CNTNAP2: variants seen among roughly 807,000 people sequenced by gnomAD.
CNTNAP2 encodes contactin-associated protein-like 2.
Under a neutral mutation model 155.2 loss-of-function variants are expected in CNTNAP2, and 98 were observed. That is an observed-to-expected ratio of 0.63 (90% confidence interval 0.54 to 0.75). The LOEUF (loss-of-function observed/expected upper bound fraction) is 0.75, where lower values mean the gene tolerates loss of function less well. Ranked by LOEUF, CNTNAP2 falls within the 30% of genes least tolerant of loss-of-function variation. The probability of loss-of-function intolerance (pLI) is 0.00; values close to 1 mark genes in which losing one functional copy is unlikely to be tolerated. For missense variants in CNTNAP2, 1,727 were observed against 1,688.1 expected (o/e 1.02, Z -0.40); for synonymous variants, 651 against 631.2 (o/e 1.03, Z -0.47).
intron 13 of CNTNAP2, among the ~76,000 whole-genome samples, chr7:147,867,585 C>T (rs1799255940): frequency 6.6e-6 from 1 of 152,160 alleles, no homozygotes; most frequent in South Asian, 2.1e-4. Flanking sequence ...TTAGGTACAC[C>T]AATCAAACGT....
chr7:146,947,525 GTA>G (rs1464759293), intron 3 of CNTNAP2, among the ~76,000 whole-genome samples: 14 of 127,182 alleles, frequency 1.1e-4, no homozygotes, highest in African/African-American at 3.6e-4. Flanking sequence ...TAGTGTGTAT[GTA>G]TGTGTGTGTG....
intron 13 of CNTNAP2, among the ~76,000 whole-genome samples, chr7:147,825,271 T>G (rs756085467): frequency 4.6e-5 from 7 of 152,332 alleles, no homozygotes; most frequent in Admixed American, 4.6e-4. Context: ...TCCTGAGCAG[T>G]GCTTCTAGTG....
intron 1 of CNTNAP2, among the ~76,000 whole-genome samples, chr7:146,512,612 T>C (rs556047945): frequency 2.0e-5 from 3 of 152,044 alleles, no homozygotes; most frequent in African/African-American, 7.2e-5. Flanking sequence ...TTTCTTATTA[T>C]TGATTTATGA....
intron 10 of CNTNAP2, among the ~76,000 whole-genome samples, chr7:147,403,146 A>G (rs1281524544): frequency 6.6e-6 from 1 of 152,168 alleles, no homozygotes; most frequent in African/African-American, 2.4e-5. Context: ...ATCCTAACCC[A>G]GACATTCCTT....
intron 4 of CNTNAP2, among the ~76,000 whole-genome samples, chr7:147,093,240 CAAAAA>C (rs530286124): frequency 1.8e-5 from 1 of 54,348 alleles, no homozygotes; most frequent in Non-Finnish European, 4.4e-5. Flanking sequence ...GACTCCATCT[CAAAAA>C]AAAAAAAAAA....
chr7:148,323,797 G>A (rs1797841561), intron 21 of CNTNAP2, among the ~76,000 whole-genome samples: 1 of 152,008 alleles, frequency 6.6e-6, no homozygotes, highest in African/African-American at 2.4e-5. Context: ...GGCGTGAAGA[G>A]GCACTCCCCT....
chr7:147,472,210 T>A (rs1798236106), intron 10 of CNTNAP2, among the ~76,000 whole-genome samples: 1 of 8,112 alleles, frequency 1.2e-4, no homozygotes, highest in African/African-American at 1.2e-3. Flanking sequence ...TTTCCTTTTT[T>A]TTTTTTTTTT....
chr7:147,022,853 G>A (rs1240364750), intron 3 of CNTNAP2, among the ~76,000 whole-genome samples: 2 of 151,930 alleles, frequency 1.3e-5, no homozygotes, highest in Admixed American at 1.3e-4. Flanking sequence ...CTTAATCAAA[G>A]AACTTCATTA....
intron 4 of CNTNAP2, among the ~76,000 whole-genome samples, chr7:147,064,574 A>G (rs1003653596): frequency 6.6e-6 from 1 of 152,200 alleles, no homozygotes; most frequent in Non-Finnish European, 1.5e-5. Flanking sequence ...CCTTGAATGC[A>G]CACACACCGC....
intron 21 of CNTNAP2, among the ~76,000 whole-genome samples, chr7:148,373,598 A>G (rs894194800): frequency 3.9e-5 from 6 of 152,346 alleles, no homozygotes; most frequent in Non-Finnish European, 7.3e-5. Flanking sequence ...CCTTGACCAA[A>G]GCATCATTAT....
At chr7:146,625,582 G>A (rs975072129) in intron 1 of CNTNAP2, among the ~76,000 whole-genome samples, 1 of 151,992 alleles carries the variant, frequency 6.6e-6, no homozygotes, top group Non-Finnish European at 1.5e-5. Flanking sequence ...CATTTACAGA[G>A]TGAAGGCAGA....
intron 3 of CNTNAP2, among the ~76,000 whole-genome samples, chr7:146,953,300 G>T (rs1054083340): frequency 6.6e-6 from 1 of 151,960 alleles, no homozygotes. Flanking sequence ...GAATGTATGT[G>T]TACTTAGGAA....
At chr7:147,842,223 TAGTA>T (rs1467228863) in intron 13 of CNTNAP2, among the ~76,000 whole-genome samples, 2 of 152,194 alleles carry the variant, frequency 1.3e-5, no homozygotes, top group African/African-American at 2.4e-5. Flanking sequence ...GTCACATAGG[TAGTA>T]AGTAACAACT....
chr7:146,458,100 G>A (rs1470438229), intron 1 of CNTNAP2, among the ~76,000 whole-genome samples: 5 of 151,982 alleles, frequency 3.3e-5, no homozygotes, highest in Admixed American at 1.3e-4. Flanking sequence ...GGGAGTTAAC[G>A]CTGAGAACAC....
intron 1 of CNTNAP2, chr7:146,117,431 C>T (rs892976384): frequency 6.4e-6 from 1 of 155,774 alleles, no homozygotes; most frequent in African/African-American, 2.4e-5. Flanking sequence ...GTTTGGGCAC[C>T]TATAGGGTCT....
intron 2 of CNTNAP2, among the ~76,000 whole-genome samples, chr7:146,837,237 CTG>C (rs1301375670): frequency 3.9e-5 from 6 of 151,986 alleles, no homozygotes; most frequent in African/African-American, 1.2e-4. Context: ...ACTGGAATAA[CTG>C]TTTATTTTTT....
intron 1 of CNTNAP2, among the ~76,000 whole-genome samples, chr7:146,582,827 C>T (rs372802164): frequency 2.0e-5 from 3 of 151,042 alleles, no homozygotes; most frequent in Admixed American, 6.6e-5. Flanking sequence ...TTCATTATCA[C>T]TTTTCTAAAT....
At chr7:146,661,734 T>TTC (rs977454285) in intron 1 of CNTNAP2, among the ~76,000 whole-genome samples, 50 of 149,972 alleles carry the variant, frequency 3.3e-4, no homozygotes, top group South Asian at 8.4e-4. Flanking sequence ...CTTTCTTTCT[T>TTC]TTTTTTTTTT....
At chr7:147,361,735 TTGAG>T (rs770620953) in intron 9 of CNTNAP2, among the ~76,000 whole-genome samples, 2 of 152,148 alleles carry the variant, frequency 1.3e-5, no homozygotes, top group African/African-American at 2.4e-5. Flanking sequence ...CTGCCACATC[TTGAG>T]TAAGATAAAC....
Sources: allele counts gnomAD v4.1 joint callset (sites outside exome capture counted in the v4.1 genomes callset), GRCh38; gene constraint gnomAD v4.1.1; transcripts MANE v1.5; gene names NCBI Gene and HGNC (gene_info 2026-07-23, HGNC 2026-07-21).